Variants in NSL1 observed in about 807,000 individuals in gnomAD.
NSL1 encodes kinetochore-associated protein NSL1 homolog.
Under a neutral mutation model 25.4 loss-of-function variants are expected in NSL1, and 11 were observed. That is an observed-to-expected ratio of 0.43 (90% confidence interval 0.27 to 0.72). The LOEUF is 0.72. Among genes scored for constraint, NSL1 ranks in the 30% least tolerant of loss-of-function variants. The pLI, the probability that NSL1 is intolerant of heterozygous loss-of-function variation, is 0.19. For synonymous variants in NSL1, 118 were observed against 120.6 expected (o/e 0.98, Z 0.14); for missense variants, 330 against 342.7 (o/e 0.96, Z 0.29).
At chr1:212,791,089 T>C (rs1661223447) in intron 1 of NSL1, among the ~76,000 whole-genome samples, 1 of 152,108 alleles carries the variant, frequency 6.6e-6, no homozygotes, top group Admixed American at 6.5e-5. Context: ...ACTTTGTAGT[T>C]ACTGAGCGCT....
chr1:212,779,698 A>T (rs575486850), intron 4 of NSL1, among the ~76,000 whole-genome samples: 59 of 54,920 alleles, frequency 1.1e-3, no homozygotes, highest in Middle Eastern at 0.029. Flanking sequence ...GAGGAGCCCC[A>T]CTGCCCGGCC....
chr1:212,731,844 C>T lies in NSL1; in HGVS notation c.*6564G>A, dbSNP rs1232318512. 1.0e-6 allele frequency: 1 copy of T among 985,418 alleles called. No homozygotes were observed. The highest frequency in any genetic ancestry group is 1.2e-6 in the Non-Finnish European group (1 of 829,924). 61.0% of individuals were successfully genotyped at this position (985,418 alleles called of 1,614,324 possible). On this transcript the variant is annotated 3_prime_UTR_variant, in exon 6 of 6. Coordinates refer to ENST00000366977, the MANE Select transcript of NSL1 (RefSeq NM_015471.4). The stretch of plus-strand genomic sequence containing the variant: ...GTTGGCACAGAAGCCTCCTCACTAT[C>T]CCTGCCACTCTGGCTGCTCCAGCTC...
chr1:212,727,733 AT>A lies in NSL1; in HGVS notation c.*10674del, dbSNP rs1657845458. 1.0e-6 allele frequency: 1 copy of A among 984,942 alleles called. No individual in the cohort carries two copies. Among genetic ancestry groups the A allele is most frequent in the African/African-American group, 1.7e-5 (1 of 57,250 alleles). 61.0% of individuals were successfully genotyped at this position (984,942 alleles called of 1,614,324 possible). A position where few individuals can be genotyped will look rare whatever the true frequency, so the allele number is the denominator to read the frequency against. ...TATGATGATTTATATTTCCCAAGAA[AT>A]TAACAGCAAAAGTTCATATTTAACC... is the stretch of plus-strand genomic sequence containing the variant. On this transcript the variant is annotated 3_prime_UTR_variant, in exon 6 of 6. Transcript: ENST00000366977.
intron 4 of NSL1, among the ~76,000 whole-genome samples, chr1:212,757,668 C>G (rs1659379045): frequency 6.6e-6 from 1 of 152,094 alleles, no homozygotes. Context: ...CAGGTGAATT[C>G]AGAGGGAGAG....
intron 3 of NSL1, 62 bp downstream of exon 3, chr1:212,784,301 A>G: frequency 8.5e-7 from 1 of 1,178,720 alleles, no homozygotes; most frequent in East Asian, 2.4e-5. Context: ...GTAGAGCCTT[A>G]TATTTTAATG....
At chr1:212,746,018 T>C (rs556636132) in intron 4 of NSL1, among the ~76,000 whole-genome samples, 11 of 152,182 alleles carry the variant, frequency 7.2e-5, no homozygotes, top group African/African-American at 2.6e-4. Flanking sequence ...AGTTAATAAT[T>C]AGTAAACCTG....
intron 4 of NSL1, among the ~76,000 whole-genome samples, chr1:212,780,220 T>C (rs1660658722): frequency 6.6e-6 from 1 of 151,916 alleles, no homozygotes; most frequent in Non-Finnish European, 1.5e-5. Context: ...CCCTGTGCTC[T>C]CTGAAACATG....
intron 4 of NSL1, among the ~76,000 whole-genome samples, chr1:212,762,297 TAAAAGA>T (rs1659607551): frequency 1.6e-5 from 1 of 63,142 alleles, no homozygotes; most frequent in African/African-American, 7.9e-5. Context: ...CACTCTGTCT[TAAAAGA>T]AACAAAAAAA....
rs1460718414 is a variant in NSL1, at chr1:212,732,844, T to C, written c.*5564A>G. The stretch of plus-strand genomic sequence containing the variant: ...TTTAGCTAATCATGCACTTGATTAT[T>C]AGTTTGACTGTGTATAAAAGCCTAG... On this transcript the variant is annotated 3_prime_UTR_variant, in exon 6 of 6. Coordinates refer to ENST00000366977, the MANE Select transcript of NSL1 (RefSeq NM_015471.4). 6.6e-6 allele frequency among the ~76,000 whole-genome samples: 1 copy of C among 152,276 alleles called. No individual in the cohort carries two copies. The highest frequency in any genetic ancestry group is 1.5e-5 in the Non-Finnish European group (1 of 68,026).
chr1:212,779,848 G>A (rs1360374353), intron 4 of NSL1, among the ~76,000 whole-genome samples: 3 of 135,362 alleles, frequency 2.2e-5, no homozygotes, highest in East Asian at 2.3e-4. Flanking sequence ...TCAGCCCCCC[G>A]CCCGACCAGC....
intron 4 of NSL1, among the ~76,000 whole-genome samples, chr1:212,771,281 T>C (rs1408456770): frequency 6.6e-6 from 1 of 151,972 alleles, no homozygotes; most frequent in Non-Finnish European, 1.5e-5. Flanking sequence ...GCCATTGGAC[T>C]CCAGCCTGGG....
chr1:212,761,829 T>C (rs183189766), intron 4 of NSL1, among the ~76,000 whole-genome samples: 7 of 152,122 alleles, frequency 4.6e-5, no homozygotes, highest in Admixed American at 4.6e-4. Context: ...AAGAGTTCTA[T>C]GAATGAAATA....
At chr1:212,762,843 A>G (rs1193342198) in intron 4 of NSL1, among the ~76,000 whole-genome samples, 2 of 152,180 alleles carry the variant, frequency 1.3e-5, no homozygotes, top group African/African-American at 4.8e-5. Flanking sequence ...TCCTGACTGC[A>G]TCTCATAGGG....
rs1307533913 is a variant in NSL1, at chr1:212,728,749, C to T, written c.*9659G>A. The T allele has an allele frequency of 1.0e-6, 1 of 985,266 alleles. No homozygotes were observed. Among genetic ancestry groups the T allele is most frequent in the Non-Finnish European group, 1.2e-6 (1 of 829,930 alleles). The allele number at this position is 985,266 out of a possible 1,614,324, so 61.0% of individuals were successfully genotyped here. On this transcript the variant is annotated 3_prime_UTR_variant, in exon 6 of 6. Coordinates refer to ENST00000366977, the MANE Select transcript of NSL1 (RefSeq NM_015471.4). ...CATCAGGGATAAACCTGATCACCGT[C>T]CCCTTTGTTGCCACATCTCGCAGCT...
chr1:212,753,790 AAAAT>A (rs1430843643), intron 4 of NSL1, among the ~76,000 whole-genome samples: 1 of 152,266 alleles, frequency 6.6e-6, no homozygotes, highest in Non-Finnish European at 1.5e-5. Context: ...CATAAACAAG[AAAAT>A]AAACACAAAT....
chr1:212,731,417 T>TA lies in NSL1; in HGVS notation c.*6990_*6991insT. On this transcript the variant is annotated 3_prime_UTR_variant, in exon 6 of 6. Transcript: ENST00000366977. The stretch of plus-strand genomic sequence containing the variant: ...AAACAAATAAACTAGCCGGGCATGG[T>TA]GGCACACGCCTGTTTTGAAACCCTG... 1.0e-6 allele frequency: 1 copy of TA among 985,278 alleles called. No individual in the cohort carries two copies. Among genetic ancestry groups the TA allele is most frequent in the Non-Finnish European group, 1.2e-6 (1 of 829,834 alleles). The allele number at this position is 985,278 out of a possible 1,614,324, so 61.0% of individuals were successfully genotyped here.
chr1:212,771,631 A>AACC (rs1553253658), intron 4 of NSL1, among the ~76,000 whole-genome samples: 3 of 151,556 alleles, frequency 2.0e-5, no homozygotes, highest in Admixed American at 2.0e-4. Flanking sequence ...AAAAAAAAAA[A>AACC]ACCTTAGAAC....
At position 212,733,477 on chromosome 1, in the gene NSL1, C is replaced by T. The variant is rs1658112445; in HGVS notation, c.*4931G>A. On this transcript the variant is annotated 3_prime_UTR_variant, in exon 6 of 6. Transcript: ENST00000366977. Reference sequence around the variant, plus strand: ...ATCCCATACCCATTAGCAGTCACTTCCTATTCCTTCCACCCTCTCCATCTT... The same window carrying T: ...ATCCCATACCCATTAGCAGTCACTTTCTATTCCTTCCACCCTCTCCATCTT... Among the ~76,000 whole-genome samples the T allele has an allele frequency of 6.6e-6, 1 of 150,742 alleles. No individual in the cohort carries two copies. Among genetic ancestry groups the T allele is most frequent in the South Asian group, 2.1e-4 (1 of 4,798 alleles).
chr1:212,762,002 T>C (rs1659593212), intron 4 of NSL1, among the ~76,000 whole-genome samples: 1 of 149,986 alleles, frequency 6.7e-6, no homozygotes, highest in Non-Finnish European at 1.5e-5. Flanking sequence ...AAATCATGTT[T>C]TAAGAAAGTT....
Sources: gnomAD v4.1 joint callset for allele counts (sites outside exome capture counted in the v4.1 genomes callset) on GRCh38, gnomAD v4.1.1 for gene constraint, MANE v1.5 for transcripts, NCBI Gene and HGNC (gene_info 2026-07-23, HGNC 2026-07-21) for gene names.